Variants in TLN2 observed in about 807,000 individuals in gnomAD.
TLN2 encodes the protein talin-2.
TLN2 carries 118 observed loss-of-function variants against 294.7 expected under a neutral mutation model. That is an observed-to-expected ratio of 0.40 (90% CI 0.34 to 0.47). The LOEUF (loss-of-function observed/expected upper bound fraction) is 0.47, where lower values mean the gene tolerates loss of function less well. Among genes scored for constraint, TLN2 ranks in the 20% least tolerant of loss-of-function variants. The probability of loss-of-function intolerance (pLI) is 0.84; values close to 1 mark genes in which losing one functional copy is unlikely to be tolerated. For missense variants in TLN2, 3,083 were observed against 3,282.2 expected, an observed-to-expected ratio of 0.94 and a Z score of 1.48; for synonymous variants, 1,431 against 1,304.5, an observed-to-expected ratio of 1.10 and a Z score of -2.09.
At chr15:62,817,709 A>G (rs575829467) in intron 52 of TLN2, among the ~76,000 whole-genome samples, 1 of 152,154 alleles carries the variant, frequency 6.6e-6, no homozygotes, top group South Asian at 2.1e-4. Context: ...CTACCTGGGC[A>G]GGGGAAAGGA....
At chr15:62,684,553 C>G (rs764045531) in intron 11 of TLN2, among the ~76,000 whole-genome samples, 1 of 152,148 alleles carries the variant, frequency 6.6e-6, no homozygotes, top group Non-Finnish European at 1.5e-5. Context: ...ATTCCTCATA[C>G]CATGGTGTCC....
intron 42 of TLN2, 106 bp downstream of exon 42, chr15:62,771,240 T>C (rs2063334379): frequency 7.7e-7 from 1 of 1,291,974 alleles, no homozygotes; most frequent in Admixed American, 2.8e-5. Context: ...TTCTTGCTGG[T>C]GGCATTTGAG....
At chr15:62,547,839 A>G (rs2042078277) in intron 1 of TLN2, among the ~76,000 whole-genome samples, 1 of 152,202 alleles carries the variant, frequency 6.6e-6, no homozygotes, top group African/African-American at 2.4e-5. Context: ...GCCGTGGCCA[A>G]TTGTGTGATG....
chr15:62,531,695 A>G (rs1048294102), intron 1 of TLN2, among the ~76,000 whole-genome samples: 1 of 152,250 alleles, frequency 6.6e-6, no homozygotes, highest in African/African-American at 2.4e-5. Context: ...AAAATAAAAC[A>G]TTTTAAGTTT....
intron 1 of TLN2, among the ~76,000 whole-genome samples, chr15:62,440,663 G>T (rs1276642627): frequency 2.6e-5 from 4 of 152,140 alleles, no homozygotes; most frequent in Non-Finnish European, 5.9e-5. Flanking sequence ...CTTGGCTGTG[G>T]CCTCCTGGAT....
intron 1 of TLN2, chr15:62,453,443 A>G (rs1043701666): frequency 5.3e-5 from 8 of 152,160 alleles, no homozygotes; most frequent in African/African-American, 1.7e-4. Flanking sequence ...CTTCCTTTGC[A>G]GGTGCTGGGC....
At chr15:62,662,014 G>A (rs917578330) in intron 9 of TLN2, among the ~76,000 whole-genome samples, 1 of 152,038 alleles carries the variant, frequency 6.6e-6, no homozygotes, top group African/African-American at 2.4e-5. Context: ...TTTTAGTAAA[G>A]TAATTTAACA....
intron 9 of TLN2, among the ~76,000 whole-genome samples, chr15:62,668,528 GATT>G (rs2054999831): frequency 6.6e-6 from 1 of 152,094 alleles, no homozygotes; most frequent in Non-Finnish European, 1.5e-5. Flanking sequence ...GTCATATTCT[GATT>G]ATTATTTTAT....
rs2050724653 is a variant in TLN2 at position 62,639,253 on chromosome 15, A to G, written c.-36-8022A>G. Among the ~76,000 whole-genome samples the G allele has an allele frequency of 2.0e-5, 3 of 152,012 alleles. No homozygotes were observed. The South Asian group carries it at 6.3e-4, about 32-fold the overall frequency. ...TAGATCTATATCTATATCTATATCT[A>G]TATCTATGTGTATATCTATATCTAT... On this transcript the variant is annotated intron_variant, in intron 3 of 58. Transcript: ENST00000636159.
At chr15:62,530,244 T>G (rs1167241804) in intron 1 of TLN2, among the ~76,000 whole-genome samples, 2 of 152,244 alleles carry the variant, frequency 1.3e-5, no homozygotes, top group African/African-American at 4.8e-5. Context: ...AATAACATTT[T>G]GCATATTTGT....
In TLN2 at chr15:62,686,892, C is replaced by G. The variant is rs1343213179; in HGVS notation, c.1113+96C>G. 2.7e-6 allele frequency: 4 copies of G among 1,504,420 alleles called. No individual in the cohort carries two copies. In the East Asian group the frequency reaches 9.3e-5, roughly 35 times the overall value. The allele number at this position is 1,504,420 out of a possible 1,614,324, so 93.2% of individuals were successfully genotyped here. A position where few individuals can be genotyped will look rare whatever the true frequency, so the allele number is the denominator to read the frequency against. On this transcript the variant is annotated intron_variant, in intron 12 of 58. Transcript: ENST00000636159. Reference sequence around the variant, plus strand: ...CCAGATTCTTGCCCATTGGGTTTCTCTGGCCTGGGAGAGCCAGCGTGGAGT... The same window carrying G: ...CCAGATTCTTGCCCATTGGGTTTCTGTGGCCTGGGAGAGCCAGCGTGGAGT...
At chr15:62,484,585 C>T (rs2038284962) in intron 1 of TLN2, among the ~76,000 whole-genome samples, 2 of 152,114 alleles carry the variant, frequency 1.3e-5, no homozygotes, top group South Asian at 4.2e-4. Flanking sequence ...ACCACCACGC[C>T]CGGCTAATTT....
Position 62,840,719 on chromosome 15 carries a change from G to T in TLN2, c.*109G>T. 6.9e-7 allele frequency: 1 copy of T among 1,457,654 alleles called. No homozygotes were observed. Among genetic ancestry groups the T allele is most frequent in the Non-Finnish European group, 9.1e-7 (1 of 1,093,604 alleles). 90.3% of individuals were successfully genotyped at this position (1,457,654 alleles called of 1,614,324 possible). The stretch of plus-strand genomic sequence containing the variant: ...CTGGAAACCGCCCACCTCCCTCCCG[G>T]GTGAGCCTGGAGCCCTGCGTGCTTG... On this transcript the variant is annotated 3_prime_UTR_variant, in exon 59 of 59. Coordinates refer to ENST00000636159, the MANE Select transcript of TLN2 (RefSeq NM_015059.3).
intron 22 of TLN2, 146 bp downstream of exon 22, chr15:62,712,223 T>C: frequency 2.0e-6 from 2 of 998,330 alleles, no homozygotes; most frequent in Non-Finnish European, 2.8e-6. Context: ...AACCCTGTTC[T>C]TGTGGCAAAG....
chr15:62,735,506 G>A (rs1036864635), intron 28 of TLN2, among the ~76,000 whole-genome samples: 1 of 152,132 alleles, frequency 6.6e-6, no homozygotes. Context: ...TACCCATTAA[G>A]GACATAAAAG....
At chr15:62,818,845 TTTATTTA>T in intron 52 of TLN2, among the ~76,000 whole-genome samples, 1 of 314 alleles carries the variant, frequency 3.2e-3, no homozygotes, top group Admixed American at 0.045. Flanking sequence ...TTTTTTTATT[TTTATTTA>T]TTTATTTATT....
At chr15:62,825,758 TATA>T (rs1193790090) in intron 54 of TLN2, among the ~76,000 whole-genome samples, 3 of 96,918 alleles carry the variant, frequency 3.1e-5, no homozygotes, top group Non-Finnish European at 5.3e-5. Context: ...TAAATATAAT[TATA>T]ATTATATATT....
chr15:62,765,811 G>C (rs897837945), intron 40 of TLN2, among the ~76,000 whole-genome samples: 3 of 152,344 alleles, frequency 2.0e-5, no homozygotes, highest in Admixed American at 6.5e-5. Flanking sequence ...ACAGTGGACT[G>C]AGATCTAAGC....
chr15:62,698,946 C>G (rs1026531530), intron 16 of TLN2, 79 bp downstream of exon 16: 3 of 1,350,384 alleles, frequency 2.2e-6, no homozygotes, highest in African/African-American at 1.4e-5. Flanking sequence ...CGGGATTCAT[C>G]TAGGTAAATT....
Sources: allele counts gnomAD v4.1 joint callset (sites outside exome capture counted in the v4.1 genomes callset), GRCh38; gene constraint gnomAD v4.1.1; transcripts MANE v1.5; gene names NCBI Gene and HGNC (gene_info 2026-07-23, HGNC 2026-07-21).